Variants in INPP5A observed in about 807,000 individuals in gnomAD.
INPP5A encodes the protein 43 kDa inositol polyphosphate 5-phophatase.
INPP5A carries 14 observed loss-of-function variants against 65.2 expected under a neutral mutation model. The ratio of observed to expected loss-of-function variants is 0.21; its 90% confidence interval spans 0.14 to 0.34. The LOEUF is 0.34. Among genes scored for constraint, INPP5A ranks in the 10% least tolerant of loss-of-function variants. The pLI, the probability that INPP5A is intolerant of heterozygous loss-of-function variation, is 1.00. For missense variants in INPP5A, 431 were observed against 545.6 expected (o/e 0.79, Z 2.09); for synonymous variants, 207 against 208.3 (o/e 0.99, Z 0.05).
At chr10:132,626,141 G>A (rs187799796) in intron 2 of INPP5A, among the ~76,000 whole-genome samples, 1 of 152,348 alleles carries the variant, frequency 6.6e-6, no homozygotes, top group African/African-American at 2.4e-5. Flanking sequence ...CTGTGCTAGT[G>A]TGTTGAGCCA....
At chr10:132,630,221 A>G (rs1415265390) in intron 2 of INPP5A, among the ~76,000 whole-genome samples, 1 of 151,974 alleles carries the variant, frequency 6.6e-6, no homozygotes, top group Non-Finnish European at 1.5e-5. Context: ...CATGAGGGAA[A>G]GCTGTCCATG....
intron 4 of INPP5A, among the ~76,000 whole-genome samples, chr10:132,652,800 C>A (rs146810151): frequency 6.6e-5 from 10 of 152,220 alleles, no homozygotes; most frequent in African/African-American, 1.9e-4. Context: ...GCCCTCAGAA[C>A]GAGCGTGTTG....
At chr10:132,559,231 TC>T (rs1261524097) in intron 1 of INPP5A, among the ~76,000 whole-genome samples, 2 of 152,226 alleles carry the variant, frequency 1.3e-5, no homozygotes, top group African/African-American at 4.8e-5. Flanking sequence ...TAGGGCCAGC[TC>T]CATCCCCTCT....
chr10:132,699,291 G>A (rs1000349098), intron 6 of INPP5A, among the ~76,000 whole-genome samples: 1 of 151,462 alleles, frequency 6.6e-6, no homozygotes, highest in Non-Finnish European at 1.5e-5. Context: ...TCTTGAACCC[G>A]GGCAAGGCTC....
intron 9 of INPP5A, among the ~76,000 whole-genome samples, chr10:132,731,466 C>T (rs994007448): frequency 1.3e-5 from 2 of 152,196 alleles, no homozygotes; most frequent in East Asian, 1.9e-4. Flanking sequence ...CCATATCAGG[C>T]GGCCCTGGGA....
At chr10:132,717,144 A>C in intron 8 of INPP5A, among the ~76,000 whole-genome samples, 1 of 151,742 alleles carries the variant, frequency 6.6e-6, no homozygotes, top group East Asian at 1.9e-4. Context: ...CCGCCTTCTC[A>C]CTGCGTCCTC....
chr10:132,752,764 A>C lies in INPP5A; in HGVS notation c.903+2919A>C, dbSNP rs906293443. Among the ~76,000 whole-genome samples, 10 of 152,124 alleles carry C rather than the reference A, an allele frequency of 6.6e-5. 1 individual carries two copies. The South Asian group carries it at 2.1e-3, about 32-fold the overall frequency. The stretch of plus-strand genomic sequence containing the variant: ...GAGCATCTGGGAGCAATTGTCTTTC[A>C]TGTGGATCCAAAGTCCTCCTTTTCT... On this transcript the variant is annotated intron_variant, in intron 11 of 15. Coordinates refer to ENST00000368594, the MANE Select transcript of INPP5A (RefSeq NM_005539.5).
In INPP5A at chr10:132,650,260, G is replaced by A. The variant is rs996942928; in HGVS notation, c.219-158G>A. Reference sequence around the variant, plus strand: ...AGCTGAACGTGAGGCCAGCTCCTGCGGTGGCTGCCGCCATTCCCTGCCCTC... The same window carrying A: ...AGCTGAACGTGAGGCCAGCTCCTGCAGTGGCTGCCGCCATTCCCTGCCCTC... On this transcript the variant is annotated intron_variant, in intron 3 of 15. Transcript: ENST00000368594. This position sits in a 1 kb window ranked among gnomAD's most constrained non-coding sequence, Gnocchi z 5.5. Among the ~76,000 whole-genome samples the A allele has an allele frequency of 3.9e-5, 6 of 152,164 alleles. No homozygotes were observed. The highest frequency in any genetic ancestry group is 7.2e-5 in the African/African-American group (3 of 41,450).
chr10:132,639,611 G>A (rs766668518), intron 2 of INPP5A, among the ~76,000 whole-genome samples: 2 of 152,214 alleles, frequency 1.3e-5, no homozygotes, highest in Admixed American at 6.5e-5. Context: ...ATCTGTAAAT[G>A]TATGTCTTTC....
At chr10:132,767,914 C>T (rs1313703678) in intron 12 of INPP5A, among the ~76,000 whole-genome samples, 1 of 149,802 alleles carries the variant, frequency 6.7e-6, no homozygotes, top group Non-Finnish European at 1.5e-5. Flanking sequence ...GACCCCAACC[C>T]TCGGCATTCC....
At chr10:132,584,553 A>G (rs2071524458) in intron 1 of INPP5A, among the ~76,000 whole-genome samples, 1 of 152,222 alleles carries the variant, frequency 6.6e-6, no homozygotes, top group African/African-American at 2.4e-5. Context: ...CAATTTGTTG[A>G]TACAATGTTC....
At chr10:132,597,746 G>A (rs180948700) in intron 1 of INPP5A, among the ~76,000 whole-genome samples, 3 of 149,054 alleles carry the variant, frequency 2.0e-5, no homozygotes, top group Admixed American at 6.7e-5. Flanking sequence ...TGCGTCCTGC[G>A]GGGCTGTGCT....
intron 5 of INPP5A, among the ~76,000 whole-genome samples, chr10:132,692,486 G>A (rs567156275): frequency 6.6e-6 from 1 of 152,252 alleles, no homozygotes; most frequent in East Asian, 1.9e-4. Flanking sequence ...TCAACCCCAG[G>A]CCACCTTGTA....
intron 4 of INPP5A, among the ~76,000 whole-genome samples, chr10:132,686,967 C>T (rs189546771): frequency 2.6e-3 from 401 of 152,286 alleles, no homozygotes; most frequent in Middle Eastern, 0.01. Flanking sequence ...TTTTTTGAGA[C>T]GGAGTCTCGC....
chr10:132,639,504 T>C (rs1370211268), intron 2 of INPP5A, among the ~76,000 whole-genome samples: 1 of 152,236 alleles, frequency 6.6e-6, no homozygotes, highest in East Asian at 1.9e-4. Context: ...TTGATTATGA[T>C]AAAATGTGGC....
intron 3 of INPP5A, among the ~76,000 whole-genome samples, 186 bp downstream of exon 3, chr10:132,646,154 G>A (rs910155133): frequency 2.6e-5 from 4 of 152,222 alleles, no homozygotes; most frequent in African/African-American, 9.7e-5. Flanking sequence ...GCCTCCTTGG[G>A]GCGGCGACAG....
chr10:132,719,499 G>C (rs1590953486), intron 8 of INPP5A, among the ~76,000 whole-genome samples: 1 of 147,590 alleles, frequency 6.8e-6, no homozygotes, highest in African/African-American at 2.7e-5. Flanking sequence ...GTGGTACCTG[G>C]GTTCTGTCTG....
Position 132,676,727 on chromosome 10 carries a change from T to TC in INPP5A, c.307-13663dup, listed in dbSNP as rs1324932421. 2.6e-5 allele frequency among the ~76,000 whole-genome samples: 4 copies of TC among 152,146 alleles called. No homozygotes were observed. The highest frequency in any genetic ancestry group is 4.4e-5 in the Non-Finnish European group (3 of 68,014). ...AAGGTGCCACCTGCCCAAGGTTCCG[T>TC]CCTAGTCCCTGACCGGCCCCTCCTG... is the stretch of plus-strand genomic sequence containing the variant. On this transcript the variant is annotated intron_variant, in intron 4 of 15. Coordinates refer to ENST00000368594, the MANE Select transcript of INPP5A (RefSeq NM_005539.5). This position sits in a 1 kb window ranked among gnomAD's most constrained non-coding sequence, Gnocchi z 4.0.
At chr10:132,725,533 C>G (rs972410443) in intron 8 of INPP5A, among the ~76,000 whole-genome samples, 2 of 152,230 alleles carry the variant, frequency 1.3e-5, no homozygotes, top group African/African-American at 4.8e-5. Flanking sequence ...GCGAATGGAT[C>G]AAGCTGGAAA....
Sources: allele counts gnomAD v4.1 joint callset (sites outside exome capture counted in the v4.1 genomes callset), GRCh38; gene constraint gnomAD v4.1.1; non-coding constraint Gnocchi (gnomAD v3.1); transcripts MANE v1.5; gene names NCBI Gene and HGNC (gene_info 2026-07-23, HGNC 2026-07-21).